SWT1: variants seen among roughly 807,000 people sequenced by gnomAD.
SWT1 encodes SWT1 RNA endoribonuclease homolog.
A neutral mutation model predicts 107.3 loss-of-function variants in SWT1; 33 were observed. The ratio of observed to expected loss-of-function variants is 0.31; its 90% confidence interval spans 0.23 to 0.41. The LOEUF (loss-of-function observed/expected upper bound fraction) is 0.41, where lower values mean the gene tolerates loss of function less well. Among genes scored for constraint, SWT1 ranks in the 10% least tolerant of loss-of-function variants. The probability of loss-of-function intolerance (pLI) is 1.00; values close to 1 mark genes in which losing one functional copy is unlikely to be tolerated. For synonymous variants in SWT1, 345 were observed against 348.3 expected (o/e 0.99, Z 0.11); for missense variants, 898 against 1,028.9 (o/e 0.87, Z 1.74).
chr1:185,266,838 C>T lies in SWT1; in HGVS notation c.2442-4485C>T, dbSNP rs115647435. ...CGCTAGTGAGTGTCAGTTCTGTTAA[C>T]CAACTTGCTTTGTGGCTCTGATAAA... On this transcript the variant is annotated intron_variant, in intron 16 of 18. Coordinates refer to ENST00000367500, the MANE Select transcript of SWT1 (RefSeq NM_017673.7). Among the ~76,000 whole-genome samples the T allele has an allele frequency of 4.7e-3, 720 of 152,236 alleles. 6 individuals are homozygous for T. The highest frequency in any genetic ancestry group is 0.016 in the African/African-American group (669 of 41,540).
At chr1:185,229,399 C>T (rs1004948074) in intron 15 of SWT1, among the ~76,000 whole-genome samples, 1 of 152,132 alleles carries the variant, frequency 6.6e-6, no homozygotes, top group Non-Finnish European at 1.5e-5. Context: ...TTTTCATCCT[C>T]ATCTCACGCT....
intron 16 of SWT1, among the ~76,000 whole-genome samples, chr1:185,268,981 T>G (rs1352004149): frequency 6.6e-6 from 1 of 151,108 alleles, no homozygotes. Context: ...GCCTCCCGAG[T>G]AGCTGGGACT....
At chr1:185,200,721 C>T (rs931083723) in intron 10 of SWT1, among the ~76,000 whole-genome samples, 6 of 152,186 alleles carry the variant, frequency 3.9e-5, no homozygotes, top group Admixed American at 6.5e-5. Flanking sequence ...TTAGGGGGCA[C>T]GAGGTTCAAG....
chr1:185,188,313 T>G (rs1387418924), intron 9 of SWT1, among the ~76,000 whole-genome samples: 1 of 152,252 alleles, frequency 6.6e-6, no homozygotes, highest in East Asian at 1.9e-4. Flanking sequence ...CTGATAATCT[T>G]GAGTTTGATA....
chr1:185,278,120 G>A (rs146261863), intron 18 of SWT1, among the ~76,000 whole-genome samples: 534 of 152,160 alleles, frequency 3.5e-3, no homozygotes, highest in African/African-American at 0.012. Flanking sequence ...GAGCCACCAT[G>A]CCCAGCCGCA....
At chr1:185,276,402 GATATAAT>G (rs1251714825) in intron 17 of SWT1, among the ~76,000 whole-genome samples, 195 bp from the exon 18 acceptor site, 1 of 152,056 alleles carries the variant, frequency 6.6e-6, no homozygotes, top group African/African-American at 2.4e-5. Context: ...AACAGATTAA[GATATAAT>G]AGTGGGATTC....
chr1:185,285,685 T>C (rs148072375), intron 18 of SWT1, among the ~76,000 whole-genome samples: 2 of 152,326 alleles, frequency 1.3e-5, no homozygotes, highest in Admixed American at 1.3e-4. Context: ...GTTAGGCCAT[T>C]GATCCATTTT....
intron 16 of SWT1, chr1:185,263,590 G>T (rs956814742): frequency 1.1e-4 from 17 of 152,200 alleles, no homozygotes; most frequent in African/African-American, 3.6e-4. Flanking sequence ...TTTTTTGAAG[G>T]TGGTTTCAAC....
intron 15 of SWT1, among the ~76,000 whole-genome samples, chr1:185,223,994 C>G (rs1659868713): frequency 6.6e-6 from 1 of 152,192 alleles, no homozygotes; most frequent in African/African-American, 2.4e-5. Flanking sequence ...AGATCATGTC[C>G]TTTGCAGGGA....
At chr1:185,216,737 A>G (rs1659245669) in intron 14 of SWT1, among the ~76,000 whole-genome samples, 1 of 152,120 alleles carries the variant, frequency 6.6e-6, no homozygotes, top group Admixed American at 6.5e-5. Context: ...GGATCACCTA[A>G]GGGCAGCAGT....
chr1:185,238,732 C>T (rs989498804), intron 16 of SWT1, among the ~76,000 whole-genome samples: 7 of 151,048 alleles, frequency 4.6e-5, no homozygotes, highest in Non-Finnish European at 8.8e-5. Context: ...TTTTTTAAAC[C>T]GGGCAGATAA....
At chr1:185,237,020 A>G (rs115929513) in intron 16 of SWT1, among the ~76,000 whole-genome samples, 9,553 of 152,254 alleles carry the variant, frequency 0.063, 674 homozygotes, top group East Asian at 0.18. Context: ...ACTATCTCAC[A>G]CCTGTTAGAA....
At chr1:185,290,411 TAA>T (rs999086041) in intron 18 of SWT1, among the ~76,000 whole-genome samples, 7 of 152,078 alleles carry the variant, frequency 4.6e-5, no homozygotes, top group African/African-American at 1.2e-4. Flanking sequence ...ACTCTATCTC[TAA>T]AAAAAGTTTT....
chr1:185,165,040 G>A (rs936097879), intron 2 of SWT1, among the ~76,000 whole-genome samples: 1 of 152,160 alleles, frequency 6.6e-6, no homozygotes, highest in African/African-American at 2.4e-5. Context: ...ACACTTAGAG[G>A]TCATTGTTGG....
At chr1:185,265,358 A>G (rs184901566) in intron 16 of SWT1, among the ~76,000 whole-genome samples, 26 of 152,332 alleles carry the variant, frequency 1.7e-4, no homozygotes, top group African/African-American at 6.0e-4. Flanking sequence ...CAAATTAACT[A>G]TAGAAAACGT....
intron 17 of SWT1, among the ~76,000 whole-genome samples, chr1:185,273,501 G>C (rs757020542): frequency 6.6e-6 from 1 of 152,024 alleles, no homozygotes. Context: ...AGGAGTTCCA[G>C]ACCAGCCTGG....
chr1:185,189,578 A>C (rs945310564), intron 9 of SWT1, among the ~76,000 whole-genome samples: 2 of 152,130 alleles, frequency 1.3e-5, no homozygotes, highest in Non-Finnish European at 2.9e-5. Context: ...CTGAATTGAT[A>C]TTAGGATTCG....
intron 13 of SWT1, among the ~76,000 whole-genome samples, chr1:185,212,768 ACTC>A (rs1658920478): frequency 6.7e-6 from 1 of 149,744 alleles, no homozygotes; most frequent in African/African-American, 2.5e-5. Flanking sequence ...GCGCCATTGC[ACTC>A]CAGCCTGGGC....
At chr1:185,212,299 C>T (rs925004507) in intron 13 of SWT1, among the ~76,000 whole-genome samples, 6 of 151,966 alleles carry the variant, frequency 3.9e-5, no homozygotes, top group African/African-American at 7.3e-5. Flanking sequence ...AGAGAAAGTC[C>T]GTAAACTATG....
Sources: allele counts gnomAD v4.1 joint callset (sites outside exome capture counted in the v4.1 genomes callset), GRCh38; gene constraint gnomAD v4.1.1; transcripts MANE v1.5; gene names NCBI Gene and HGNC (gene_info 2026-07-23, HGNC 2026-07-21).